TMPRSS4: variants seen among roughly 807,000 people sequenced by gnomAD.
TMPRSS4 encodes the protein transmembrane serine protease 4.
A neutral mutation model predicts 56.4 loss-of-function variants in TMPRSS4; 45 were observed. The ratio of observed to expected loss-of-function variants is 0.80; its 90% CI spans 0.63 to 1.02. The LOEUF (loss-of-function observed/expected upper bound fraction) is 1.02. TMPRSS4 is among the 50% of genes least tolerant of loss of function. The pLI, the probability that TMPRSS4 is intolerant of heterozygous loss-of-function variation, is 0.00. For synonymous variants in TMPRSS4, 205 were observed against 211.0 expected (o/e 0.97, Z 0.25); for missense variants, 546 against 556.7 (o/e 0.98, Z 0.19).
chr11:118,098,851 C>T (rs917441889), intron 2 of TMPRSS4, 134 bp from the exon 3 acceptor site: 4 of 610,982 alleles, frequency 6.5e-6, no homozygotes, highest in Non-Finnish European at 5.8e-6. Context: ...CAGGAATAAC[C>T]CCCCAGCATT....
intron 2 of TMPRSS4, among the ~76,000 whole-genome samples, chr11:118,097,731 CT>C (rs1163758813): frequency 6.6e-6 from 1 of 152,164 alleles, no homozygotes; most frequent in Non-Finnish European, 1.5e-5. Context: ...ACCCCAGACT[CT>C]TTTGTTCCAA....
chr11:118,092,299 G>T (rs1946026999), intron 1 of TMPRSS4, among the ~76,000 whole-genome samples: 2 of 152,204 alleles, frequency 1.3e-5, no homozygotes, highest in Admixed American at 1.3e-4. Context: ...TGGGAGACTG[G>T]AGTTTTATTA....
chr11:118,106,373 T>G (rs1946989251), intron 5 of TMPRSS4: 1 of 152,224 alleles, frequency 6.6e-6, no homozygotes, highest in Non-Finnish European at 1.5e-5. Context: ...TCCGTCCTTC[T>G]AGGTCTCAGA....
intron 1 of TMPRSS4, among the ~76,000 whole-genome samples, chr11:118,089,672 G>A (rs559613303): frequency 2.0e-4 from 31 of 152,154 alleles, no homozygotes; most frequent in African/African-American, 6.3e-4. Context: ...TTATTAATTC[G>A]ACAAATATTG....
chr11:118,077,351 T>A, intron 1 of TMPRSS4, 46 bp downstream of exon 1: 1 of 1,568,140 alleles, frequency 6.4e-7, no homozygotes, highest in South Asian at 1.2e-5. Flanking sequence ...AGGGTGGGTC[T>A]CCCCATGTAA....
intron 1 of TMPRSS4, among the ~76,000 whole-genome samples, chr11:118,093,206 G>A (rs774556560): frequency 3.3e-5 from 5 of 152,164 alleles, no homozygotes; most frequent in East Asian, 1.9e-4. Flanking sequence ...TGTGTCCACC[G>A]TGCTTAGCCG....
At chr11:118,077,745 C>T (rs1944772539) in intron 1 of TMPRSS4, among the ~76,000 whole-genome samples, 1 of 152,090 alleles carries the variant, frequency 6.6e-6, no homozygotes, top group African/African-American at 2.4e-5. Flanking sequence ...GGTGCAGTGG[C>T]TCACGCCTGT....
chr11:118,115,319 G>T, intron 11 of TMPRSS4, 39 bp downstream of exon 11: 1 of 1,605,770 alleles, frequency 6.2e-7, no homozygotes, highest in South Asian at 1.1e-5. Flanking sequence ...CTAAGAATAG[G>T]GTTTAGGTCC....
chr11:118,112,009 G>C, intron 8 of TMPRSS4, 109 bp downstream of exon 8: 1 of 1,460,204 alleles, frequency 6.8e-7, no homozygotes, highest in Non-Finnish European at 9.1e-7. Flanking sequence ...TCCCACTAGA[G>C]ACGTTTTCCA....
Position 118,115,271 on chromosome 11 carries a change from C to T in TMPRSS4, c.1143C>T (p.Asp381=), listed in dbSNP as rs1947488978. The T allele has an allele frequency of 1.2e-6, 2 of 1,612,112 alleles. No homozygotes were observed. The highest frequency in any genetic ancestry group is 3.3e-5 in the Admixed American group (2 of 59,926). Residue 381 remains aspartate, a synonymous_variant, in exon 11 of 13, where the codon GAC becomes GAT. Transcript: ENST00000437212. ...CAGGCATCCCGGAAGGGGGTGTGGA[C>T]ACCTGCCAGGTGGGGCCTCCAAGAA... The part of the protein sequence containing the change: ...MCAGIPEGGV[D]TCQGDSGGPL...
chr11:118,117,790 G>A (rs1947640234), intron 12 of TMPRSS4, 112 bp from the exon 13 acceptor site: 2 of 1,603,260 alleles, frequency 1.2e-6, no homozygotes, highest in Admixed American at 1.7e-5. Flanking sequence ...CCTCTGCAGG[G>A]TAGGGAGAGA....
chr11:118,095,225 A>G (rs1430882901), intron 2 of TMPRSS4: 1 of 191,456 alleles, frequency 5.2e-6, no homozygotes, highest in Non-Finnish European at 1.1e-5. Context: ...GGTGTCATGG[A>G]GTTCACATTG....
At position 118,119,321 on chromosome 11, in the gene TMPRSS4, T is replaced by A; in HGVS notation, c.*1408T>A. Reference sequence around the variant, plus strand: ...CCAGGGCTCCTACATGAAGCAGGGATAACTGATGGCAGTAAATGTGGTCTC... The same window carrying A: ...CCAGGGCTCCTACATGAAGCAGGGAAAACTGATGGCAGTAAATGTGGTCTC... On this transcript the variant is annotated 3_prime_UTR_variant, in exon 13 of 13. Coordinates refer to ENST00000437212, the MANE Select transcript of TMPRSS4 (RefSeq NM_019894.4). The A allele has an allele frequency of 5.1e-6, 5 of 985,422 alleles. No individual in the cohort carries two copies. The highest frequency in any genetic ancestry group is 6.0e-6 in the Non-Finnish European group (5 of 829,932). The allele number at this position is 985,422 out of a possible 1,614,324, so 61.0% of individuals were successfully genotyped here.
chr11:118,091,179 G>A (rs181826862), intron 1 of TMPRSS4, among the ~76,000 whole-genome samples: 7 of 152,098 alleles, frequency 4.6e-5, no homozygotes, highest in African/African-American at 1.2e-4. Flanking sequence ...CCAATCCATC[G>A]GCGAGGCCTA....
intron 1 of TMPRSS4, among the ~76,000 whole-genome samples, chr11:118,090,171 T>C (rs866504024): frequency 1.3e-5 from 2 of 152,342 alleles, no homozygotes; most frequent in South Asian, 2.1e-4. Context: ...TCACTACAGT[T>C]CATTTGTTTT....
At chr11:118,111,513 A>T (rs1198087237) in intron 7 of TMPRSS4, among the ~76,000 whole-genome samples, 4 of 120,244 alleles carry the variant, frequency 3.3e-5, no homozygotes, top group Non-Finnish European at 6.5e-5. Flanking sequence ...AAACCAAAAT[A>T]AAAAAAAAAG....
chr11:118,109,044 C>T (rs527636041), intron 7 of TMPRSS4, 148 bp downstream of exon 7: 228 of 792,396 alleles, frequency 2.9e-4, no homozygotes, highest in Middle Eastern at 5.4e-4. Flanking sequence ...AATGCCCCCT[C>T]GAGTTGTTGG....
chr11:118,112,404 T>C (rs1947321940), intron 8 of TMPRSS4, among the ~76,000 whole-genome samples: 1 of 135,514 alleles, frequency 7.4e-6, no homozygotes, highest in African/African-American at 3.0e-5. Flanking sequence ...TTTTTTTTTT[T>C]TTTTTTGAGA....
chr11:118,114,309 T>C (rs1009578564), intron 9 of TMPRSS4, among the ~76,000 whole-genome samples: 3 of 152,138 alleles, frequency 2.0e-5, no homozygotes, highest in African/African-American at 7.2e-5. Context: ...ACAGCTATCT[T>C]TGAAAGAAGA....
Sources: allele counts gnomAD v4.1 joint callset (sites outside exome capture counted in the v4.1 genomes callset), GRCh38; gene constraint gnomAD v4.1.1; transcripts MANE v1.5; gene names NCBI Gene and HGNC (gene_info 2026-07-23, HGNC 2026-07-21).